CPA6: variants seen among roughly 807,000 people sequenced by gnomAD.
CPA6 encodes carboxypeptidase B.
CPA6 carries 58 observed loss-of-function variants against 63.3 expected under a neutral mutation model. The observed-to-expected ratio is 0.92, with a 90% CI of 0.74 to 1.14. The LOEUF (loss-of-function observed/expected upper bound fraction) is 1.14, where lower values mean the gene tolerates loss of function less well. CPA6 is among the 50% of genes most tolerant of loss of function. The probability of loss-of-function intolerance (pLI) is 0.00; values close to 1 mark genes in which losing one functional copy is unlikely to be tolerated. For missense variants in CPA6, 565 were observed against 526.6 expected, an observed-to-expected ratio of 1.07 and a Z score of -0.71; for synonymous variants, 185 against 179.0, an observed-to-expected ratio of 1.03 and a Z score of -0.27.
At chr8:67,518,363 A>T (rs1408569482) in intron 2 of CPA6, among the ~76,000 whole-genome samples, 1 of 152,160 alleles carries the variant, frequency 6.6e-6, no homozygotes, top group Non-Finnish European at 1.5e-5. Flanking sequence ...TTTGCTATGC[A>T]AATACTTGAA....
intron 10 of CPA6, among the ~76,000 whole-genome samples, chr8:67,424,265 A>T (rs1408452734): frequency 6.6e-6 from 1 of 152,154 alleles, no homozygotes; most frequent in East Asian, 1.9e-4. Context: ...GTGCGCAATG[A>T]ATGTAATGCA....
At chr8:67,633,619 T>C (rs1815395444) in intron 1 of CPA6, among the ~76,000 whole-genome samples, 1 of 148,104 alleles carries the variant, frequency 6.8e-6, no homozygotes, top group South Asian at 2.1e-4. Flanking sequence ...AGGCGGAGCT[T>C]GCAGTGAGCA....
At chr8:67,595,716 C>T (rs1227650408) in intron 2 of CPA6, among the ~76,000 whole-genome samples, 5 of 152,346 alleles carry the variant, frequency 3.3e-5, no homozygotes, top group Admixed American at 2.6e-4. Context: ...CCTGGTGCAC[C>T]GTTTCCTAAG....
chr8:67,553,496 G>A (rs1812995259), intron 2 of CPA6, among the ~76,000 whole-genome samples: 1 of 152,124 alleles, frequency 6.6e-6, no homozygotes, highest in Admixed American at 6.5e-5. Flanking sequence ...TACATAAGGG[G>A]TATGGATTAT....
At chr8:67,538,807 C>G (rs1403026297) in intron 2 of CPA6, among the ~76,000 whole-genome samples, 2 of 151,904 alleles carry the variant, frequency 1.3e-5, no homozygotes, top group Admixed American at 1.3e-4. Context: ...CTACAGGTGC[C>G]TGCCACTATG....
At chr8:67,447,300 CTATTGTTGGGAATTATGCTTAT>C in intron 8 of CPA6, among the ~76,000 whole-genome samples, 1 of 152,114 alleles carries the variant, frequency 6.6e-6, no homozygotes, top group Non-Finnish European at 1.5e-5. Flanking sequence ...TCCTGCCTGC[CTATTGTTGGGAATTATGCTTAT>C]TTCTCTCTCT....
At chr8:67,629,113 C>T (rs1363902428) in intron 1 of CPA6, among the ~76,000 whole-genome samples, 3 of 151,466 alleles carry the variant, frequency 2.0e-5, no homozygotes, top group Admixed American at 6.6e-5. Context: ...GACTCCATCT[C>T]GAAACAAACT....
At chr8:67,599,635 A>G (rs991739618) in intron 2 of CPA6, among the ~76,000 whole-genome samples, 3 of 152,224 alleles carry the variant, frequency 2.0e-5, no homozygotes, top group African/African-American at 7.2e-5. Context: ...GTATGAGCCA[A>G]TGCTGATTTG....
At position 67,666,875 on chromosome 8, in the gene CPA6, G is replaced by A. The variant is rs546633133; in HGVS notation, c.117-42624C>T. 1.9e-4 allele frequency among the ~76,000 whole-genome samples: 29 copies of A among 152,252 alleles called. No homozygotes were observed. The South Asian group carries it at 5.8e-3, about 30-fold the overall frequency. ...TTGAGTGCCCCCTAAGCATTTCACC[G>A]GGTGGGCCTTAGGCCTGAGAAATAT... On this transcript the variant is annotated intron_variant, in intron 1 of 10. Transcript: ENST00000297770.
intron 8 of CPA6, among the ~76,000 whole-genome samples, chr8:67,480,204 G>A (rs949772691): frequency 1.3e-5 from 2 of 152,026 alleles, no homozygotes; most frequent in African/African-American, 4.8e-5. Context: ...TTTATAATCA[G>A]CTATAATTCA....
At chr8:67,457,927 C>T (rs1810712838) in intron 8 of CPA6, among the ~76,000 whole-genome samples, 1 of 152,148 alleles carries the variant, frequency 6.6e-6, no homozygotes, top group Non-Finnish European at 1.5e-5. Flanking sequence ...CATTTCCTCT[C>T]TTGAAACCTA....
intron 6 of CPA6, among the ~76,000 whole-genome samples, chr8:67,494,205 G>T (rs1047883356): frequency 1.3e-5 from 2 of 148,388 alleles, no homozygotes; most frequent in Admixed American, 6.7e-5. Flanking sequence ...GTCCATGCTG[G>T]TTTTTTTTTT....
chr8:67,571,900 T>G lies in CPA6; in HGVS notation c.192+52276A>C, dbSNP rs1009145794. On this transcript the variant is annotated intron_variant, in intron 2 of 10. Coordinates refer to ENST00000297770, the MANE Select transcript of CPA6 (RefSeq NM_020361.5). Reference sequence around the variant, plus strand: ...AAGATTGATTAAACTAAGAGTTGGTTTTTTAAAAAGATAAACAAAATTGAC... The same window carrying G: ...AAGATTGATTAAACTAAGAGTTGGTGTTTTAAAAAGATAAACAAAATTGAC... 3.9e-5 allele frequency among the ~76,000 whole-genome samples: 6 copies of G among 151,906 alleles called. No homozygotes were observed. The South Asian group carries it at 8.3e-4, about 21-fold the overall frequency.
intron 2 of CPA6, among the ~76,000 whole-genome samples, chr8:67,591,350 G>T (rs1474629197): frequency 2.0e-5 from 3 of 152,060 alleles, no homozygotes; most frequent in Non-Finnish European, 2.9e-5. Context: ...TTTGGCTTAG[G>T]ATTGACTTGG....
At chr8:67,439,328 C>T (rs988006053) in intron 8 of CPA6, among the ~76,000 whole-genome samples, 2 of 151,844 alleles carry the variant, frequency 1.3e-5, no homozygotes, top group Admixed American at 6.6e-5. Context: ...TGGCTCATGC[C>T]TGTAATCCCA....
At chr8:67,613,923 A>G (rs1416178475) in intron 2 of CPA6, among the ~76,000 whole-genome samples, 1 of 152,140 alleles carries the variant, frequency 6.6e-6, no homozygotes, top group Non-Finnish European at 1.5e-5. Flanking sequence ...GAACTCTGAG[A>G]GGAGTTCGGC....
chr8:67,525,587 T>C (rs1812343668), intron 2 of CPA6, among the ~76,000 whole-genome samples: 1 of 152,232 alleles, frequency 6.6e-6, no homozygotes, highest in African/African-American at 2.4e-5. Context: ...CAAGGCTGAA[T>C]GCTGATTGCC....
At chr8:67,673,779 C>T (rs1816407699) in intron 1 of CPA6, among the ~76,000 whole-genome samples, 1 of 152,064 alleles carries the variant, frequency 6.6e-6, no homozygotes, top group South Asian at 2.1e-4. Flanking sequence ...ATTCATTTAA[C>T]AAATATTTTT....
intron 2 of CPA6, among the ~76,000 whole-genome samples, chr8:67,608,717 C>G (rs1369677685): frequency 6.6e-6 from 1 of 152,180 alleles, no homozygotes; most frequent in African/African-American, 2.4e-5. Context: ...TGCCATGGGG[C>G]CGGAGCCCAA....
Sources: gnomAD v4.1 joint callset for allele counts (sites outside exome capture counted in the v4.1 genomes callset) on GRCh38, gnomAD v4.1.1 for gene constraint, MANE v1.5 for transcripts, NCBI Gene and HGNC (gene_info 2026-07-23, HGNC 2026-07-21) for gene names.